The following SLC44A5 variants were observed in gnomAD, a reference collection of about 807,000 sequenced individuals.
SLC44A5 encodes the protein choline transporter-like protein 5.
SLC44A5 carries 57 observed loss-of-function variants against 101.8 expected under a neutral mutation model. The observed-to-expected ratio is 0.56, with a 90% CI of 0.45 to 0.70. The LOEUF (loss-of-function observed/expected upper bound fraction) is 0.70. Ranked by LOEUF, SLC44A5 falls within the 30% of genes least tolerant of loss-of-function variation. The pLI is 0.00. For synonymous variants in SLC44A5, 281 were observed against 290.9 expected, an observed-to-expected ratio of 0.97 and a Z score of 0.35; for missense variants, 737 against 853.1, an observed-to-expected ratio of 0.86 and a Z score of 1.70.
rs748348177 is a variant in SLC44A5, at chr1:75,234,097, C to T, written c.742G>A (p.Gly248Ser). The change falls in exon 12 of 24, where the codon GGC becomes AGC. Residue 248 changes from glycine to serine, a missense_variant and splice_region_variant. Physicochemically the swap from Gly to Ser is moderately conservative, Grantham distance 56. Coordinates refer to ENST00000370859, the MANE Select transcript of SLC44A5 (RefSeq NM_001130058.2). ...YARTWYWILI[G>S]LTIAMVLSWI... ...CTAAGGACCATGGCAATCGTCAGGC[C>T]ACTAGAAAAAACCCACAACAAACAC... 20 of 1,611,428 alleles carry T rather than the reference C, an allele frequency of 1.2e-5. No homozygotes were observed. The highest frequency in any genetic ancestry group is 1.5e-5 in the Non-Finnish European group (18 of 1,178,110).
chr1:75,386,407 C>T (rs971746353), intron 3 of SLC44A5, among the ~76,000 whole-genome samples: 1 of 152,134 alleles, frequency 6.6e-6, no homozygotes, highest in Non-Finnish European at 1.5e-5. Flanking sequence ...CATTCCTATA[C>T]ACCAACAACA....
At chr1:75,315,880 C>A (rs957016599) in intron 4 of SLC44A5, among the ~76,000 whole-genome samples, 8 of 152,142 alleles carry the variant, frequency 5.3e-5, no homozygotes, top group African/African-American at 1.9e-4. Context: ...CTCTCTTATC[C>A]TCCACATTTA....
intron 2 of SLC44A5, among the ~76,000 whole-genome samples, chr1:75,430,322 C>G (rs1664544523): frequency 6.6e-6 from 1 of 152,138 alleles, no homozygotes. Flanking sequence ...CAGTCACTCA[C>G]TAGATACAGA....
At chr1:75,621,438 T>C in the SLC44A5 span, among the ~76,000 whole-genome samples, 2 of 152,156 alleles carry the variant, frequency 1.3e-5, no homozygotes, top group African/African-American at 4.8e-5. Context: ...AATGAACTTA[T>C]ACAAATTATA....
chr1:75,219,926 T>C (rs1286822091), intron 14 of SLC44A5, 34 bp from the exon 15 acceptor site: 10 of 1,418,774 alleles, frequency 7.0e-6, no homozygotes, highest in South Asian at 1.2e-5. Context: ...ATTCAATTGT[T>C]AAAACTAGAA....
At chr1:75,628,161 T>C in the SLC44A5 span, among the ~76,000 whole-genome samples, 1 of 151,902 alleles carries the variant, frequency 6.6e-6, no homozygotes, top group African/African-American at 2.4e-5. Flanking sequence ...AATTACCAAA[T>C]TCAAAACTTT....
chr1:75,433,361 T>C (rs1048431272), intron 2 of SLC44A5, among the ~76,000 whole-genome samples: 5 of 152,098 alleles, frequency 3.3e-5, no homozygotes, highest in African/African-American at 1.2e-4. Flanking sequence ...CTGAGCTCTT[T>C]ACCCTTCATT....
Position 75,267,581 on chromosome 1 carries a change from G to A in SLC44A5, c.260+7377C>T, listed in dbSNP as rs146482604. Among the ~76,000 whole-genome samples, 542 of 151,908 alleles carry A rather than the reference G, an allele frequency of 3.6e-3. 3 individuals carry two copies. The highest frequency in any genetic ancestry group is 0.013 in the African/African-American group (527 of 41,430). ...ATTTTTTTAAATTCAAACAAGGTCT[G>A]GCTCTGTTGCCCAGGCTGGAGTGCA... On this transcript the variant is annotated intron_variant, in intron 6 of 23. Transcript: ENST00000370859.
chr1:75,563,041 A>T (rs74091739), intron 1 of SLC44A5, among the ~76,000 whole-genome samples: 23,269 of 152,116 alleles, frequency 0.15, 2,031 homozygotes, highest in Admixed American at 0.23. Context: ...ATACGCAATC[A>T]TTACATTCTG....
intron 2 of SLC44A5, among the ~76,000 whole-genome samples, chr1:75,500,326 T>C (rs1054669308): frequency 6.6e-6 from 1 of 152,140 alleles, no homozygotes; most frequent in Non-Finnish European, 1.5e-5. Context: ...TAATAAGAAA[T>C]TAATGTCTGA....
chr1:75,566,801 T>G (rs1672807258), intron 1 of SLC44A5, among the ~76,000 whole-genome samples: 1 of 152,202 alleles, frequency 6.6e-6, no homozygotes, highest in South Asian at 2.1e-4. Flanking sequence ...ACCTTATGTT[T>G]ATTTAATATT....
At chr1:75,401,683 T>C (rs1267007806) in intron 2 of SLC44A5, among the ~76,000 whole-genome samples, 1 of 151,972 alleles carries the variant, frequency 6.6e-6, no homozygotes, top group Non-Finnish European at 1.5e-5. Flanking sequence ...GACTGTCATA[T>C]AGAAGGCCCC....
At chr1:75,545,498 C>T (rs943389796) in intron 1 of SLC44A5, among the ~76,000 whole-genome samples, 1 of 152,112 alleles carries the variant, frequency 6.6e-6, no homozygotes, top group African/African-American at 2.4e-5. Flanking sequence ...GCTTTTTCAG[C>T]AGGAATACTG....
the SLC44A5 span, among the ~76,000 whole-genome samples, chr1:75,640,587 T>TTC: frequency 3.3e-5 from 5 of 151,054 alleles, no homozygotes; most frequent in South Asian, 2.1e-4. Context: ...CTACCTCTCA[T>TTC]TCTCTCTCTC....
intron 1 of SLC44A5, among the ~76,000 whole-genome samples, chr1:75,594,548 A>T (rs977067064): frequency 6.6e-6 from 1 of 152,046 alleles, no homozygotes; most frequent in South Asian, 2.1e-4. Flanking sequence ...AACTATCAGT[A>T]TGTCAACTGT....
intron 1 of SLC44A5, among the ~76,000 whole-genome samples, chr1:75,574,275 A>G (rs972680986): frequency 5.3e-5 from 8 of 152,210 alleles, no homozygotes; most frequent in Non-Finnish European, 1.0e-4. Flanking sequence ...TTAAGAAAGC[A>G]ATGTGGACAG....
At chr1:75,702,517 A>T in the SLC44A5 span, among the ~76,000 whole-genome samples, 1 of 152,136 alleles carries the variant, frequency 6.6e-6, no homozygotes, top group Non-Finnish European at 1.5e-5. Context: ...TTCAAGATGG[A>T]TTAAAGACTT....
intron 2 of SLC44A5, among the ~76,000 whole-genome samples, chr1:75,424,191 C>A (rs766493096): frequency 6.6e-6 from 1 of 152,236 alleles, no homozygotes; most frequent in Non-Finnish European, 1.5e-5. Flanking sequence ...ACCGATGACT[C>A]TCAGTCTAAA....
At chr1:75,304,986 G>C (rs1654792594) in intron 4 of SLC44A5, among the ~76,000 whole-genome samples, 1 of 152,140 alleles carries the variant, frequency 6.6e-6, no homozygotes, top group Non-Finnish European at 1.5e-5. Context: ...TACTCAGATT[G>C]TGTTTCTCTG....
Sources: gnomAD v4.1 joint callset for allele counts (sites outside exome capture counted in the v4.1 genomes callset) on GRCh38, gnomAD v4.1.1 for gene constraint, MANE v1.5 for transcripts, NCBI Gene and HGNC (gene_info 2026-07-23, HGNC 2026-07-21) for gene names.